Variants in MTREX observed in about 807,000 individuals in gnomAD.
MTREX encodes the protein exosome RNA helicase MTR4.
MTREX carries 76 observed loss-of-function variants against 135.4 expected under a neutral mutation model. The observed-to-expected ratio is 0.56, with a 90% CI of 0.47 to 0.68. MTREX has a LOEUF of 0.68. Ranked by LOEUF, MTREX falls within the 30% of genes least tolerant of loss-of-function variation. The pLI is 0.00. For synonymous variants in MTREX, 404 were observed against 401.6 expected, an observed-to-expected ratio of 1.01 and a Z score of -0.07; for missense variants, 920 against 1,262.1, an observed-to-expected ratio of 0.73 and a Z score of 4.11.
At chr5:55,354,733 AGCAGG>A (rs1749882777) in intron 14 of MTREX, among the ~76,000 whole-genome samples, 1 of 152,178 alleles carries the variant, frequency 6.6e-6, no homozygotes, top group Admixed American at 6.5e-5. Flanking sequence ...CCTCTGTGCT[AGCAGG>A]GACTCTGCAG....
At chr5:55,358,257 A>G (rs1034364167) in intron 14 of MTREX, among the ~76,000 whole-genome samples, 6 of 152,228 alleles carry the variant, frequency 3.9e-5, no homozygotes, top group Admixed American at 2.6e-4. Flanking sequence ...GCTTATGTGG[A>G]AAGCCAAAAT....
At chr5:55,357,954 A>G (rs183995219) in intron 14 of MTREX, among the ~76,000 whole-genome samples, 2 of 152,352 alleles carry the variant, frequency 1.3e-5, no homozygotes, top group East Asian at 1.9e-4. Context: ...AGCATGAATT[A>G]TAGTCATCTC....
chr5:55,330,234 A>G (rs1405311263), intron 5 of MTREX, among the ~76,000 whole-genome samples: 1 of 151,806 alleles, frequency 6.6e-6, no homozygotes, highest in African/African-American at 2.4e-5. Flanking sequence ...TGCCACCATG[A>G]CTGGCTAAGT....
chr5:55,410,686 A>G (rs1750872874), intron 23 of MTREX, 57 bp downstream of exon 23: 3 of 1,016,032 alleles, frequency 3.0e-6, no homozygotes. Context: ...TGTAGTTAAT[A>G]GTGTTATGGC....
At position 55,327,708 on chromosome 5, in the gene MTREX, G is replaced by C; in HGVS notation, c.340-8G>C. ...GAGGTTTTTTTTTCTTTTTTACTTT[G>C]TTGTCAGGTTGCACTTCCTGCAGAA... On this transcript the variant is annotated splice_region_variant and splice_polypyrimidine_tract_variant and intron_variant, in intron 3 of 26. Transcript: ENST00000230640. The C allele has an allele frequency of 6.2e-7, 1 of 1,607,344 alleles. No homozygotes were observed. Among genetic ancestry groups the C allele is most frequent in the Non-Finnish European group, 8.5e-7 (1 of 1,175,908 alleles).
In MTREX at chr5:55,345,177, G is replaced by A; in HGVS notation, c.1089G>A (p.Gly363=). The change falls in exon 10 of 27, where the codon GGG becomes GGA. Residue 363 remains glycine, a synonymous_variant. Transcript: ENST00000230640. The stretch of plus-strand genomic sequence containing the variant: ...ATTTGGCCAAAGGAGACCAGAAAGG[G>A]CGGAAAGGAGGAACAAAAGGTAATT... The part of the protein sequence containing the change: ...AGDLAKGDQK[G]RKGGTKGPSN... 1 of 1,610,804 alleles carries A rather than the reference G, an allele frequency of 6.2e-7. No individual in the cohort carries two copies. The highest frequency in any genetic ancestry group is 8.5e-7 in the Non-Finnish European group (1 of 1,177,344).
chr5:55,348,387 G>A (rs1453992474), intron 11 of MTREX, among the ~76,000 whole-genome samples: 2 of 152,170 alleles, frequency 1.3e-5, no homozygotes, highest in Non-Finnish European at 2.9e-5. Context: ...TGTGGATTAA[G>A]GGGTCAGCAC....
In MTREX at chr5:55,400,391, T is replaced by C; in HGVS notation, c.2451T>C (p.Thr817=). 1 of 1,611,092 alleles carries C rather than the reference T, an allele frequency of 6.2e-7. No homozygotes were observed. Among genetic ancestry groups the C allele is most frequent in the Non-Finnish European group, 8.5e-7 (1 of 1,178,724 alleles). Reference sequence around the variant, plus strand: ...TTCACAATGATCCAAATTTGGAAACTGTGTATACGCTTTGTGAAAAAAAAG... The same window carrying C: ...TTCACAATGATCCAAATTTGGAAACCGTGTATACGCTTTGTGAAAAAAAAG... The part of the protein sequence containing the change: ...HPLHNDPNLE[T]VYTLCEKKAQ... Residue 817 remains threonine, a synonymous_variant, in exon 21 of 27, where the codon ACT becomes ACC. Transcript: ENST00000230640.
intron 22 of MTREX, among the ~76,000 whole-genome samples, chr5:55,410,081 CATAAAA>C (rs1561211952): frequency 1.3e-5 from 2 of 151,900 alleles, no homozygotes; most frequent in Admixed American, 6.6e-5. Flanking sequence ...AAAATTAAAA[CATAAAA>C]ATAAAAAAAT....
intron 1 of MTREX, among the ~76,000 whole-genome samples, chr5:55,313,900 T>C (rs1388945544): frequency 6.6e-6 from 1 of 152,188 alleles, no homozygotes; most frequent in African/African-American, 2.4e-5. Flanking sequence ...TCACTTCTTG[T>C]GCAAAAGGTA....
intron 11 of MTREX, among the ~76,000 whole-genome samples, chr5:55,348,989 T>C (rs1398822185): frequency 6.6e-6 from 1 of 152,212 alleles, no homozygotes; most frequent in Admixed American, 6.5e-5. Context: ...CTGTAATTGT[T>C]AGACTTAAAT....
At chr5:55,315,944 C>G (rs570443949) in intron 1 of MTREX, among the ~76,000 whole-genome samples, 79 of 150,838 alleles carry the variant, frequency 5.2e-4, no homozygotes, top group African/African-American at 1.9e-3. Flanking sequence ...TTAGAAGTTA[C>G]AACGGAAATG....
At position 55,308,091 on chromosome 5, in the gene MTREX, C is replaced by G; in HGVS notation, c.78C>G (p.Asp26Glu). 1.2e-6 allele frequency: 2 copies of G among 1,613,776 alleles called. No individual in the cohort carries two copies. The highest frequency in any genetic ancestry group is 1.3e-5 in the African/African-American group (1 of 74,948). ...DSTTAAGTKK[D>E]KEKDKGKWKG... ...CCACTGCGGCGGGAACCAAAAAAGA[C>G]AAGGAAAAGGACAAGGGGAAATGGA... The change falls in exon 1 of 27, where the codon GAC becomes GAG. Residue 26 changes from aspartate to glutamate, a missense_variant. Transcript: ENST00000230640.
chr5:55,324,237 T>C (rs1313741665), intron 3 of MTREX, 39 bp downstream of exon 3: 2 of 1,495,148 alleles, frequency 1.3e-6, no homozygotes, highest in South Asian at 2.3e-5. Flanking sequence ...GTGTTACAAA[T>C]GGGATTTTTC....
intron 23 of MTREX, among the ~76,000 whole-genome samples, chr5:55,413,060 G>A (rs748897253): frequency 2.0e-5 from 3 of 151,890 alleles, no homozygotes; most frequent in African/African-American, 7.3e-5. Flanking sequence ...AAAAATTAGC[G>A]ATCGGGCACA....
intron 1 of MTREX, among the ~76,000 whole-genome samples, chr5:55,320,517 TA>T (rs1237627146): frequency 2.6e-5 from 4 of 152,168 alleles, no homozygotes; most frequent in Non-Finnish European, 4.4e-5. Flanking sequence ...CTGCCCAGCC[TA>T]AAAATTGTTT....
At chr5:55,339,431 G>T (rs928050940) in intron 5 of MTREX, among the ~76,000 whole-genome samples, 2 of 152,006 alleles carry the variant, frequency 1.3e-5, no homozygotes, top group East Asian at 3.9e-4. Flanking sequence ...AAATAAGGAG[G>T]ATCTACTACA....
At chr5:55,402,872 G>GTGTGTA (rs70992784) in intron 21 of MTREX, among the ~76,000 whole-genome samples, 95,034 of 138,476 alleles carry the variant, frequency 0.69, 33,468 homozygotes, top group Middle Eastern at 0.87. Context: ...GTGTGTGTGT[G>GTGTGTA]TATATATATA....
chr5:55,353,170 C>T lies in MTREX; in HGVS notation c.1434C>T (p.Ala478=), dbSNP rs1749854894. The stretch of plus-strand genomic sequence containing the variant: ...TATAGAATTACTTATTTACTTAGGC[C>T]TTATTTGCCACGGAGACCTTTGCTA... The part of the protein sequence containing the change: ...EILFSEGLIK[A]LFATETFAMG... Residue 478 remains alanine, a splice_region_variant and synonymous_variant, in exon 14 of 27, where the codon GCC becomes GCT. Transcript: ENST00000230640. 2 of 1,585,218 alleles carry T rather than the reference C, an allele frequency of 1.3e-6. No individual in the cohort carries two copies.
Sources: allele counts gnomAD v4.1 joint callset (sites outside exome capture counted in the v4.1 genomes callset), GRCh38; gene constraint gnomAD v4.1.1; transcripts MANE v1.5; gene names NCBI Gene and HGNC (gene_info 2026-07-23, HGNC 2026-07-21).